Variants in CTNNA3 observed in about 807,000 individuals in gnomAD.
CTNNA3 encodes catenin alpha 3.
CTNNA3 carries 76 observed loss-of-function variants against 95.7 expected under a neutral mutation model. That is an observed-to-expected ratio of 0.79 (90% CI 0.66 to 0.96). The LOEUF (loss-of-function observed/expected upper bound fraction) is 0.96, where lower values mean the gene tolerates loss of function less well. CTNNA3 is among the 40% of genes least tolerant of loss of function. CTNNA3 has a pLI of 0.00. For missense variants in CTNNA3, 1,191 were observed against 1,089.8 expected (o/e 1.09, Z -1.31); for synonymous variants, 431 against 374.4 (o/e 1.15, Z -1.74).
chr10:67,239,408 T>C (rs1865630881), intron 5 of CTNNA3, among the ~76,000 whole-genome samples: 1 of 151,394 alleles, frequency 6.6e-6, no homozygotes, highest in South Asian at 2.1e-4. Flanking sequence ...ATGTATGGTT[T>C]AATTCCATCT....
intron 5 of CTNNA3, among the ~76,000 whole-genome samples, chr10:67,495,662 G>A (rs1384286761): frequency 6.6e-6 from 1 of 152,138 alleles, no homozygotes; most frequent in Non-Finnish European, 1.5e-5. Context: ...CATGGAAGAG[G>A]CAGTATAACA....
chr10:66,857,657 T>A (rs569708690), intron 7 of CTNNA3, among the ~76,000 whole-genome samples: 1 of 152,190 alleles, frequency 6.6e-6, no homozygotes, highest in Non-Finnish European at 1.5e-5. Flanking sequence ...GGTATTTTAT[T>A]GTTTTGTGGC....
chr10:66,929,609 G>A (rs1172818870), intron 7 of CTNNA3, among the ~76,000 whole-genome samples: 1 of 152,092 alleles, frequency 6.6e-6, no homozygotes, highest in African/African-American at 2.4e-5. Context: ...TGTATAAAAC[G>A]AATCTTAGAG....
chr10:66,422,937 AT>A (rs1282633357), intron 11 of CTNNA3, among the ~76,000 whole-genome samples: 5 of 151,790 alleles, frequency 3.3e-5, no homozygotes, highest in African/African-American at 9.7e-5. Context: ...GCCAAATTTC[AT>A]TTTTAAAAAG....
At chr10:65,940,700 A>G (rs574984449) in intron 17 of CTNNA3, among the ~76,000 whole-genome samples, 589 of 152,324 alleles carry the variant, frequency 3.9e-3, no homozygotes, top group Non-Finnish European at 5.0e-3. Context: ...GATTTAAAAA[A>G]TTATACTCTA....
intron 12 of CTNNA3, among the ~76,000 whole-genome samples, chr10:66,354,251 C>A (rs1435771093): frequency 6.6e-6 from 1 of 151,502 alleles, no homozygotes; most frequent in Non-Finnish European, 1.5e-5. Context: ...CACCATTGCC[C>A]TCCAGCCTGG....
intron 5 of CTNNA3, among the ~76,000 whole-genome samples, chr10:67,429,576 C>T (rs1199486114): frequency 6.6e-6 from 1 of 151,936 alleles, no homozygotes; most frequent in Non-Finnish European, 1.5e-5. Context: ...CCAAAATAGT[C>T]TGATCATTAT....
intron 12 of CTNNA3, among the ~76,000 whole-genome samples, chr10:66,367,274 T>C (rs532693257): frequency 6.6e-6 from 1 of 152,116 alleles, no homozygotes; most frequent in Non-Finnish European, 1.5e-5. Flanking sequence ...ACTTAAACAA[T>C]GTATTATAAA....
chr10:66,975,596 T>C (rs975625867), intron 7 of CTNNA3, among the ~76,000 whole-genome samples: 2 of 152,210 alleles, frequency 1.3e-5, no homozygotes, highest in Non-Finnish European at 2.9e-5. Context: ...TATGAGTCTA[T>C]GATTGTCATG....
At chr10:67,574,849 G>A (rs1472632573) in intron 3 of CTNNA3, among the ~76,000 whole-genome samples, 1 of 152,076 alleles carries the variant, frequency 6.6e-6, no homozygotes, top group Non-Finnish European at 1.5e-5. Flanking sequence ...CCAAAGTGTT[G>A]GGATTACAGG....
chr10:67,727,048 T>A lies in CTNNA3; in HGVS notation c.-2+36386A>T, dbSNP rs1237225259. 1.6e-4 allele frequency among the ~76,000 whole-genome samples: 18 copies of A among 111,746 alleles called. No individual in the cohort carries two copies. The South Asian group carries it at 4.2e-3, about 26-fold the overall frequency. 73.3% of individuals were successfully genotyped at this position (111,746 alleles called of 152,430 possible). ...AATTATATATAATATATGATACATA[T>A]ATGATATAATTATATATAATATATG... is the stretch of plus-strand genomic sequence containing the variant. On this transcript the variant is annotated intron_variant, in intron 1 of 17. Coordinates refer to the CTNNA3 transcript ENST00000684154.
At chr10:66,708,238 A>AC (rs36008911) in intron 9 of CTNNA3, among the ~76,000 whole-genome samples, 1 of 151,842 alleles carries the variant, frequency 6.6e-6, no homozygotes, top group African/African-American at 2.4e-5. Context: ...AAAAAAAAAA[A>AC]CACCACTGAC....
chr10:67,341,940 T>A (rs923586266), intron 5 of CTNNA3, among the ~76,000 whole-genome samples: 1 of 152,038 alleles, frequency 6.6e-6, no homozygotes, highest in Non-Finnish European at 1.5e-5. Context: ...ATTTTTCTGA[T>A]GAGCAATGAT....
chr10:66,135,682 A>T (rs959874026), intron 13 of CTNNA3, among the ~76,000 whole-genome samples: 14 of 152,312 alleles, frequency 9.2e-5, no homozygotes, highest in African/African-American at 2.6e-4. Context: ...CCTCAAGCAG[A>T]TAATTAAGAA....
At chr10:67,607,787 A>G (rs946915828) in intron 2 of CTNNA3, among the ~76,000 whole-genome samples, 2 of 152,200 alleles carry the variant, frequency 1.3e-5, no homozygotes, top group African/African-American at 4.8e-5. Context: ...TAGTGATTGA[A>G]TTTCAAAATA....
chr10:65,927,624 A>T (rs1321659926), intron 17 of CTNNA3, among the ~76,000 whole-genome samples: 3 of 152,198 alleles, frequency 2.0e-5, no homozygotes, highest in Admixed American at 2.0e-4. Flanking sequence ...TGCTGCATGT[A>T]CCAGTAGTTT....
At chr10:66,180,081 G>A (rs982775457) in intron 13 of CTNNA3, among the ~76,000 whole-genome samples, 1 of 152,140 alleles carries the variant, frequency 6.6e-6, no homozygotes, top group Non-Finnish European at 1.5e-5. Context: ...TATTATGGCT[G>A]TATGCTGCCA....
chr10:66,340,932 AT>A (rs2092448102), intron 12 of CTNNA3, among the ~76,000 whole-genome samples: 1 of 151,902 alleles, frequency 6.6e-6, no homozygotes, highest in Admixed American at 6.6e-5. Context: ...TCTATAATGT[AT>A]TTTTAATGGA....
intron 7 of CTNNA3, among the ~76,000 whole-genome samples, chr10:66,953,680 T>C (rs1278686960): frequency 6.6e-6 from 1 of 152,206 alleles, no homozygotes; most frequent in East Asian, 1.9e-4. Flanking sequence ...ATAATAATTT[T>C]ATCTTTGAAA....
Sources: gnomAD v4.1 joint callset for allele counts (sites outside exome capture counted in the v4.1 genomes callset) on GRCh38, gnomAD v4.1.1 for gene constraint, MANE v1.5 for transcripts, NCBI Gene and HGNC (gene_info 2026-07-23, HGNC 2026-07-21) for gene names.